PCDHA13: variants seen among roughly 807,000 people sequenced by gnomAD.
PCDHA13 encodes the protein protocadherin alpha 13.
A neutral mutation model predicts 64.8 loss-of-function variants in PCDHA13; 54 were observed. That is an observed-to-expected ratio of 0.83 (90% CI 0.67 to 1.04). The LOEUF (loss-of-function observed/expected upper bound fraction) is 1.04. Ranked by LOEUF, PCDHA13 falls within the 50% of genes least tolerant of loss-of-function variation. The pLI is 0.00. For missense variants in PCDHA13, 1,248 were observed against 1,254.3 expected (o/e 0.99, Z 0.08); for synonymous variants, 587 against 564.4 (o/e 1.04, Z -0.57).
At chr5:140,996,077 G>A in intron 3 of PCDHA13, among the ~76,000 whole-genome samples, 1 of 152,218 alleles carries the variant, frequency 6.6e-6, no homozygotes, top group East Asian at 1.9e-4. Flanking sequence ...GATTCAAGAT[G>A]TTTTTGCTAG....
Position 141,009,957 on chromosome 5 carries a change from G to T in PCDHA13, c.*20G>T. ...CAGTGAGGTCCTCAAATGGAAACAA[G>T]CCACTTAGCCAGTTTTTGTAATAAT... On this transcript the variant is annotated 3_prime_UTR_variant, in exon 4 of 4. Coordinates refer to ENST00000289272, the MANE Select transcript of PCDHA13 (RefSeq NM_018904.3). 1 of 1,589,160 alleles carries T rather than the reference G, an allele frequency of 6.3e-7. No homozygotes were observed. Among genetic ancestry groups the T allele is most frequent in the Non-Finnish European group, 8.5e-7 (1 of 1,171,102 alleles).
intron 1 of PCDHA13, among the ~76,000 whole-genome samples, chr5:140,959,893 T>A (rs782431808): frequency 6.6e-6 from 1 of 152,194 alleles, no homozygotes; most frequent in Non-Finnish European, 1.5e-5. Flanking sequence ...CGAGTGGGAT[T>A]TATATCAGAA....
intron 1 of PCDHA13, among the ~76,000 whole-genome samples, chr5:140,936,540 G>A (rs1320380132): frequency 6.6e-6 from 1 of 152,174 alleles, no homozygotes; most frequent in East Asian, 1.9e-4. Context: ...TGAATATAGT[G>A]CAATGTAGAA....
chr5:140,960,519 G>C (rs188949970), intron 1 of PCDHA13, among the ~76,000 whole-genome samples: 19 of 152,198 alleles, frequency 1.2e-4, no homozygotes, highest in Admixed American at 1.2e-3. Context: ...AACATAATGG[G>C]TATAGGAAAG....
intron 1 of PCDHA13, chr5:140,927,513 C>T (rs371881938): frequency 2.2e-5 from 36 of 1,614,062 alleles, no homozygotes; most frequent in South Asian, 3.3e-5. Flanking sequence ...CAGCTCGGGA[C>T]GGCGGGCTAC....
chr5:140,918,901 CTT>C (rs1386679785), intron 1 of PCDHA13, among the ~76,000 whole-genome samples: 6 of 152,198 alleles, frequency 3.9e-5, no homozygotes, highest in African/African-American at 1.4e-4. Flanking sequence ...ATAAATCTCT[CTT>C]GTTTATTAAC....
intron 3 of PCDHA13, among the ~76,000 whole-genome samples, chr5:140,985,773 T>C (rs945442566): frequency 7.2e-6 from 1 of 138,872 alleles, no homozygotes; most frequent in South Asian, 2.4e-4. Context: ...ACAGTCTCGC[T>C]CTGTCGCCCA....
At chr5:140,946,948 T>C (rs1315606645) in intron 1 of PCDHA13, among the ~76,000 whole-genome samples, 2 of 151,534 alleles carry the variant, frequency 1.3e-5, no homozygotes, top group African/African-American at 4.8e-5. Context: ...TTAAGAATAA[T>C]GTATATTTCA....
chr5:141,009,576 T>C (rs2098411921), intron 3 of PCDHA13, 51 bp from the exon 4 acceptor site: 1 of 1,583,566 alleles, frequency 6.3e-7, no homozygotes. Flanking sequence ...CAGTGTGGCA[T>C]CAAGAGCATG....
At chr5:140,985,203 T>C (rs1274620928) in intron 3 of PCDHA13, among the ~76,000 whole-genome samples, 1 of 152,092 alleles carries the variant, frequency 6.6e-6, no homozygotes, top group Non-Finnish European at 1.5e-5. Flanking sequence ...TCCCAAAGTG[T>C]TGGGATTACA....
intron 1 of PCDHA13, among the ~76,000 whole-genome samples, chr5:140,901,369 C>G (rs1366309820): frequency 1.3e-5 from 2 of 152,120 alleles, no homozygotes; most frequent in African/African-American, 2.4e-5. Flanking sequence ...GTCTTTAATC[C>G]ATTTTAATTC....
intron 3 of PCDHA13, among the ~76,000 whole-genome samples, chr5:141,007,652 A>T (rs2098338412): frequency 6.6e-6 from 1 of 152,112 alleles, no homozygotes; most frequent in African/African-American, 2.4e-5. Flanking sequence ...TGCCTAAAAA[A>T]CCATAAATTT....
intron 1 of PCDHA13, among the ~76,000 whole-genome samples, chr5:140,976,680 C>T (rs2096726528): frequency 6.6e-6 from 1 of 152,146 alleles, no homozygotes; most frequent in African/African-American, 2.4e-5. Context: ...CTCATTTTTG[C>T]AATTTAAGTA....
At chr5:140,954,781 T>A (rs1312700733) in intron 1 of PCDHA13, among the ~76,000 whole-genome samples, 1 of 152,208 alleles carries the variant, frequency 6.6e-6, no homozygotes, top group Non-Finnish European at 1.5e-5. Flanking sequence ...TTTAATTAGA[T>A]CTCATTTGTC....
At chr5:140,917,518 C>T (rs1159309425) in intron 1 of PCDHA13, among the ~76,000 whole-genome samples, 3 of 152,198 alleles carry the variant, frequency 2.0e-5, no homozygotes, top group Non-Finnish European at 4.4e-5. Context: ...AGGTTTTATT[C>T]TACGGTTTGT....
chr5:140,911,187 G>A (rs911666410), intron 1 of PCDHA13, among the ~76,000 whole-genome samples: 1 of 152,102 alleles, frequency 6.6e-6, no homozygotes, highest in Non-Finnish European at 1.5e-5. Context: ...TGTGGGTTGG[G>A]GAGGACATGT....
intron 3 of PCDHA13, 40 bp downstream of exon 3, chr5:140,982,603 G>A: frequency 6.2e-7 from 1 of 1,607,892 alleles, no homozygotes; most frequent in East Asian, 2.2e-5. Context: ...TTGGTTTCTG[G>A]AAAGTGATCA....
At chr5:140,964,862 A>G (rs560839818) in intron 1 of PCDHA13, among the ~76,000 whole-genome samples, 1 of 152,316 alleles carries the variant, frequency 6.6e-6, no homozygotes, top group South Asian at 2.1e-4. Context: ...GGAAACAAAG[A>G]GGACAAATAA....
At chr5:140,968,886 A>G in intron 1 of PCDHA13, 1 of 1,614,186 alleles carries the variant, frequency 6.2e-7, no homozygotes, top group Non-Finnish European at 8.5e-7. Context: ...ATTACCCTTT[A>G]TCTAATAATA....
Sources: allele counts gnomAD v4.1 joint callset (sites outside exome capture counted in the v4.1 genomes callset), GRCh38; gene constraint gnomAD v4.1.1; transcripts MANE v1.5; gene names NCBI Gene and HGNC (gene_info 2026-07-23, HGNC 2026-07-21).